Variants in EYS observed in about 807,000 individuals in gnomAD.
The protein encoded by EYS is protein eyes shut homolog.
Under a neutral mutation model 282.1 loss-of-function variants are expected in EYS, and 250 were observed. That is an observed-to-expected ratio of 0.89 (90% CI 0.80 to 0.98). The LOEUF is 0.98. EYS is among the 50% of genes least tolerant of loss of function. The pLI, the probability that EYS is intolerant of heterozygous loss-of-function variation, is 0.00. For synonymous variants in EYS, 1,355 were observed against 1,282.9 expected (o/e 1.06, Z -1.20); for missense variants, 4,016 against 3,709.0 (o/e 1.08, Z -2.15).
intron 30 of EYS, among the ~76,000 whole-genome samples, chr6:64,245,283 T>G (rs373357503): frequency 1.3e-3 from 195 of 151,416 alleles, no homozygotes; most frequent in African/African-American, 4.5e-3. Context: ...TTTACTCAGG[T>G]TGTTTTGTTT....
intron 22 of EYS, among the ~76,000 whole-genome samples, chr6:64,698,558 T>C (rs1562141494): frequency 6.6e-6 from 1 of 152,088 alleles, no homozygotes; most frequent in Non-Finnish European, 1.5e-5. Flanking sequence ...ACCTATGGAA[T>C]GGGAGAAAAT....
intron 2 of EYS, among the ~76,000 whole-genome samples, chr6:65,633,001 T>C (rs1766970789): frequency 6.6e-6 from 1 of 152,162 alleles, no homozygotes; most frequent in Non-Finnish European, 1.5e-5. Flanking sequence ...AGCAAATATG[T>C]CTATCTACAG....
At chr6:63,954,518 C>G (rs1176791081) in intron 35 of EYS, among the ~76,000 whole-genome samples, 1 of 152,160 alleles carries the variant, frequency 6.6e-6, no homozygotes, top group African/African-American at 2.4e-5. Flanking sequence ...ATTAATGCCT[C>G]TTTAATAAAA....
At chr6:64,658,329 T>C (rs909236116) in intron 22 of EYS, among the ~76,000 whole-genome samples, 1 of 152,078 alleles carries the variant, frequency 6.6e-6, no homozygotes, top group African/African-American at 2.4e-5. Flanking sequence ...AGTTTGATCG[T>C]CTGAAGCCTT....
chr6:65,261,768 T>G (rs748751352), intron 12 of EYS, among the ~76,000 whole-genome samples: 1 of 152,066 alleles, frequency 6.6e-6, no homozygotes, highest in Non-Finnish European at 1.5e-5. Flanking sequence ...TTTAACTGTA[T>G]TTTTTCTTTA....
chr6:65,644,590 A>T lies in EYS; in HGVS notation c.-447-4698T>A, dbSNP rs543324926. Among the ~76,000 whole-genome samples the T allele has an allele frequency of 3.9e-5, 6 of 152,332 alleles. No individual in the cohort carries two copies. In the East Asian group the frequency reaches 1.2e-3, roughly 29 times the overall value. ...CACCTGGGAAATTCATCGCAAAAAG[A>T]TCATTGCCTAGGCACATAGTCATTA... On this transcript the variant is annotated intron_variant, in intron 1 of 42. Transcript: ENST00000503581.
intron 14 of EYS, among the ~76,000 whole-genome samples, chr6:64,951,090 A>G (rs947598329): frequency 6.6e-6 from 1 of 151,584 alleles, no homozygotes; most frequent in Non-Finnish European, 1.5e-5. Flanking sequence ...AAGAACAGAG[A>G]AGTGAGCCCA....
intron 11 of EYS, among the ~76,000 whole-genome samples, chr6:65,323,361 T>C (rs1769530112): frequency 1.3e-5 from 2 of 150,130 alleles, no homozygotes; most frequent in African/African-American, 4.9e-5. Context: ...TCAGTTTTCT[T>C]ATTTAAGAGG....
intron 30 of EYS, among the ~76,000 whole-genome samples, chr6:64,272,440 C>T (rs919097998): frequency 6.6e-6 from 1 of 152,154 alleles, no homozygotes; most frequent in Admixed American, 6.5e-5. Flanking sequence ...TTTAGTGCTT[C>T]CTTCAGGAGC....
chr6:63,776,397 T>C (rs1770065744), intron 40 of EYS, among the ~76,000 whole-genome samples: 1 of 152,136 alleles, frequency 6.6e-6, no homozygotes, highest in African/African-American at 2.4e-5. Flanking sequence ...AGATCTGATT[T>C]TGGGTCCTGC....
At chr6:63,924,641 T>C (rs1764665478) in intron 35 of EYS, among the ~76,000 whole-genome samples, 1 of 152,130 alleles carries the variant, frequency 6.6e-6, no homozygotes, top group African/African-American at 2.4e-5. Flanking sequence ...AATCAATCAT[T>C]TAGTTTCTAT....
chr6:63,853,552 TAC>T (rs764540223), intron 36 of EYS, among the ~76,000 whole-genome samples: 2 of 152,162 alleles, frequency 1.3e-5, no homozygotes, highest in Non-Finnish European at 2.9e-5. Context: ...CAAATGGCCA[TAC>T]TGCCCAAAGT....
chr6:65,558,052 G>T (rs1768888005), intron 2 of EYS, among the ~76,000 whole-genome samples: 1 of 152,160 alleles, frequency 6.6e-6, no homozygotes, highest in Non-Finnish European at 1.5e-5. Context: ...CCCAGAACTG[G>T]CATCCGAGCC....
chr6:65,483,774 C>T (rs1765686385), intron 5 of EYS, among the ~76,000 whole-genome samples: 1 of 152,136 alleles, frequency 6.6e-6, no homozygotes, highest in Admixed American at 6.5e-5. Context: ...AACGGACCTA[C>T]AGTTCCACGT....
At position 64,933,524 on chromosome 6, in the gene EYS, C is replaced by T. The variant is rs148373930; in HGVS notation, c.2381+12269G>A. ...ATGTGGAGAAATAGGAATGCTTTTA[C>T]ACTGTTGGTGGGAGTGTAAATTAGT... On this transcript the variant is annotated intron_variant, in intron 15 of 42. Coordinates refer to ENST00000503581, the MANE Select transcript of EYS (RefSeq NM_001142800.2). Among the ~76,000 whole-genome samples, 298 of 152,234 alleles carry T rather than the reference C, an allele frequency of 2.0e-3. 1 individual carries two copies. The highest frequency in any genetic ancestry group is 6.4e-3 in the African/African-American group (267 of 41,578).
intron 12 of EYS, among the ~76,000 whole-genome samples, chr6:65,272,463 T>C (rs1026160163): frequency 1.3e-5 from 2 of 152,070 alleles, no homozygotes; most frequent in African/African-American, 4.8e-5. Context: ...ATTCCAGGTT[T>C]GAGGGTAGAG....
At chr6:64,738,569 C>T (rs937708353) in intron 22 of EYS, among the ~76,000 whole-genome samples, 9 of 152,180 alleles carry the variant, frequency 5.9e-5, no homozygotes, top group African/African-American at 2.2e-4. Flanking sequence ...TTTGGTGATG[C>T]TACTTTCAAG....
intron 10 of EYS, among the ~76,000 whole-genome samples, chr6:65,338,968 T>C (rs1434720335): frequency 1.3e-5 from 2 of 151,224 alleles, no homozygotes; most frequent in Non-Finnish European, 3.0e-5. Context: ...TCGTGTAATT[T>C]TCTAGAAATA....
At chr6:65,275,991 A>G (rs772665054) in intron 12 of EYS, among the ~76,000 whole-genome samples, 12 of 145,300 alleles carry the variant, frequency 8.3e-5, no homozygotes, top group Non-Finnish European at 1.5e-4. Flanking sequence ...AAAAAACAAA[A>G]CAAACAAACA....
Sources: allele counts gnomAD v4.1 joint callset (sites outside exome capture counted in the v4.1 genomes callset), GRCh38; gene constraint gnomAD v4.1.1; transcripts MANE v1.5; gene names NCBI Gene and HGNC (gene_info 2026-07-23, HGNC 2026-07-21).